Variants in RBFOX1 observed in about 807,000 individuals in gnomAD.
RBFOX1 encodes the protein RNA binding fox-1 homolog 1.
In RBFOX1, 8 loss-of-function variants were observed where a neutral mutation model predicts 57.7. The ratio of observed to expected loss-of-function variants is 0.14; its 90% CI spans 0.08 to 0.25. The LOEUF (loss-of-function observed/expected upper bound fraction) is 0.25, where lower values mean the gene tolerates loss of function less well. Among genes scored for constraint, RBFOX1 ranks in the 10% least tolerant of loss-of-function variants. The pLI is 1.00. For missense variants in RBFOX1, 611 were observed against 548.5 expected (o/e 1.11, Z -1.14); for synonymous variants, 326 against 222.4 (o/e 1.47, Z -4.15).
intron 4 of RBFOX1, among the ~76,000 whole-genome samples, chr16:7,270,468 G>GT (rs1376993815): frequency 6.6e-6 from 1 of 152,210 alleles, no homozygotes; most frequent in African/African-American, 2.4e-5. Context: ...AATGTAAGAA[G>GT]TTTAACGCAT....
intron 4 of RBFOX1, among the ~76,000 whole-genome samples, chr16:7,230,865 T>C (rs532742295): frequency 1.1e-4 from 17 of 152,314 alleles, no homozygotes; most frequent in African/African-American, 4.1e-4. Flanking sequence ...ATTTTATTCC[T>C]GGACTATAGT....
intron 6 of RBFOX1, among the ~76,000 whole-genome samples, chr16:7,581,127 A>C (rs12102544): frequency 2.6e-5 from 4 of 152,252 alleles, no homozygotes; most frequent in African/African-American, 9.6e-5. Flanking sequence ...ATCTGACACA[A>C]AAGCAGAGCG....
At chr16:7,337,379 A>T (rs1005322070) in intron 4 of RBFOX1, among the ~76,000 whole-genome samples, 11 of 152,220 alleles carry the variant, frequency 7.2e-5, no homozygotes, top group Admixed American at 1.3e-4. Flanking sequence ...ATTAGTAGGC[A>T]TTCACAGGAC....
At chr16:5,854,941 AT>A (rs1185540877) in intron 3 of RBFOX1, among the ~76,000 whole-genome samples, 2 of 152,172 alleles carry the variant, frequency 1.3e-5, no homozygotes, top group African/African-American at 4.8e-5. Context: ...GTGATACCTC[AT>A]TGTGGTTTTG....
intron 5 of RBFOX1, among the ~76,000 whole-genome samples, chr16:7,555,207 A>C (rs1014246739): frequency 6.6e-6 from 1 of 152,158 alleles, no homozygotes; most frequent in African/African-American, 2.4e-5. Context: ...CTGAAACAGA[A>C]ATCATTTCAC....
At chr16:5,508,436 G>A (rs141608708) in intron 2 of RBFOX1, among the ~76,000 whole-genome samples, 1 of 152,352 alleles carries the variant, frequency 6.6e-6, no homozygotes, top group East Asian at 1.9e-4. Context: ...AGATGCTGCA[G>A]CCTTCCTGTG....
intron 3 of RBFOX1, among the ~76,000 whole-genome samples, chr16:7,042,576 A>G (rs1448812601): frequency 1.3e-5 from 2 of 152,256 alleles, no homozygotes; most frequent in Admixed American, 1.3e-4. Flanking sequence ...ATTTTATGAC[A>G]TATTACAAAC....
At chr16:5,281,394 A>G (rs2063268112) in intron 1 of RBFOX1, among the ~76,000 whole-genome samples, 1 of 152,204 alleles carries the variant, frequency 6.6e-6, no homozygotes, top group Non-Finnish European at 1.5e-5. Context: ...ATGATAGTGT[A>G]TTCTGCTGCT....
rs921754326 is a variant in RBFOX1, at chr16:6,191,766, C to T, written c.-126-125229C>T. ...TGGCAGAGAGAATGTTTATGACTTA[C>T]CGAAAATCTTATGGAAGTTCACCAC... On this transcript the variant is annotated intron_variant, in intron 1 of 15. Coordinates refer to ENST00000550418, the MANE Select transcript of RBFOX1 (RefSeq NM_018723.4). 2.9e-4 allele frequency among the ~76,000 whole-genome samples: 44 copies of T among 152,082 alleles called. 1 individual carries two copies. Among genetic ancestry groups the T allele is most frequent in the Admixed American group, 2.8e-3 (42 of 15,262 alleles).
At chr16:6,116,049 A>G (rs1372286309) in intron 1 of RBFOX1, among the ~76,000 whole-genome samples, 2 of 152,238 alleles carry the variant, frequency 1.3e-5, no homozygotes, top group Admixed American at 6.5e-5. Context: ...GACTTGATAA[A>G]GAAAATGTGG....
At chr16:6,631,567 G>C (rs911618974) in intron 2 of RBFOX1, among the ~76,000 whole-genome samples, 1 of 152,126 alleles carries the variant, frequency 6.6e-6, no homozygotes, top group African/African-American at 2.4e-5. Context: ...ATGGAAAAAA[G>C]ACAAAGGAAA....
intron 3 of RBFOX1, among the ~76,000 whole-genome samples, chr16:5,673,381 A>G (rs909309886): frequency 9.9e-5 from 15 of 152,234 alleles, no homozygotes; most frequent in Non-Finnish European, 1.9e-4. Context: ...AGGTGCATGA[A>G]GCTATCTTCT....
Position 6,662,131 on chromosome 16 carries a change from G to C in RBFOX1, c.-16+7481G>C, listed in dbSNP as rs973146840. On this transcript the variant is annotated intron_variant, in intron 3 of 15. Coordinates refer to ENST00000550418, the MANE Select transcript of RBFOX1 (RefSeq NM_018723.4). ...GGATGGTGGTTGCCGAGGGCTGGGG[G>C]CGGGGTGAAAAAAAAGGGAGGATCT... 6.8e-5 allele frequency among the ~76,000 whole-genome samples: 10 copies of C among 147,534 alleles called. 1 individual carries two copies. In the South Asian group the frequency reaches 1.7e-3, roughly 25 times the overall value.
At chr16:7,326,864 G>A (rs2096618388) in intron 4 of RBFOX1, among the ~76,000 whole-genome samples, 1 of 152,042 alleles carries the variant, frequency 6.6e-6, no homozygotes, top group African/African-American at 2.4e-5. Context: ...GTGGTCTGGG[G>A]GCCCCTGGCA....
chr16:7,077,982 T>C (rs1025124959), intron 4 of RBFOX1, among the ~76,000 whole-genome samples: 4 of 152,182 alleles, frequency 2.6e-5, no homozygotes, highest in Admixed American at 1.3e-4. Context: ...TGCTGTCTCC[T>C]GAGTTACTCT....
intron 4 of RBFOX1, among the ~76,000 whole-genome samples, chr16:7,287,630 C>T (rs1248019161): frequency 5.9e-5 from 9 of 152,170 alleles, no homozygotes; most frequent in East Asian, 1.9e-4. Flanking sequence ...ACTTCACGCT[C>T]ATTATTAAAA....
At chr16:6,831,530 C>T (rs1403805893) in intron 3 of RBFOX1, among the ~76,000 whole-genome samples, 1 of 152,146 alleles carries the variant, frequency 6.6e-6, no homozygotes, top group African/African-American at 2.4e-5. Flanking sequence ...TAAGAGATTT[C>T]ACCTCTGAAC....
chr16:6,364,809 C>T (rs1461169311), intron 2 of RBFOX1, among the ~76,000 whole-genome samples: 1 of 152,138 alleles, frequency 6.6e-6, no homozygotes, highest in Non-Finnish European at 1.5e-5. Context: ...TTTCCCTCTG[C>T]CTGGTTGGCT....
chr16:7,692,458 C>T (rs552487072), intron 14 of RBFOX1, among the ~76,000 whole-genome samples: 1 of 152,048 alleles, frequency 6.6e-6, no homozygotes, highest in Non-Finnish European at 1.5e-5. Context: ...AAGAAAAATG[C>T]ATTTATCTTG....
Sources: gnomAD v4.1 joint callset for allele counts (sites outside exome capture counted in the v4.1 genomes callset) on GRCh38, gnomAD v4.1.1 for gene constraint, MANE v1.5 for transcripts, NCBI Gene and HGNC (gene_info 2026-07-23, HGNC 2026-07-21) for gene names.